The following ZFYVE9 variants were observed in gnomAD, a reference collection of about 807,000 sequenced individuals.
ZFYVE9 encodes the protein zinc finger FYVE domain-containing protein 9.
ZFYVE9 carries 43 observed loss-of-function variants against 126.7 expected under a neutral mutation model. The ratio of observed to expected loss-of-function variants is 0.34; its 90% CI spans 0.27 to 0.44. ZFYVE9 has a LOEUF of 0.44. Among genes scored for constraint, ZFYVE9 ranks in the 20% least tolerant of loss-of-function variants. The pLI is 1.00. For missense variants in ZFYVE9, 1,476 were observed against 1,697.0 expected, an observed-to-expected ratio of 0.87 and a Z score of 2.29; for synonymous variants, 521 against 597.4, an observed-to-expected ratio of 0.87 and a Z score of 1.87.
intron 1 of ZFYVE9, among the ~76,000 whole-genome samples, chr1:52,183,596 G>A (rs755455797): frequency 3.3e-5 from 5 of 151,794 alleles, no homozygotes; most frequent in Admixed American, 2.6e-4. Context: ...TCTGCCTCCC[G>A]GGTTCAAGTA....
intron 1 of ZFYVE9, among the ~76,000 whole-genome samples, chr1:52,176,378 C>T (rs917222472): frequency 3.3e-5 from 5 of 152,266 alleles, no homozygotes; most frequent in Admixed American, 6.5e-5. Flanking sequence ...GAGGAGTACC[C>T]GGCCGTGTGA....
intron 13 of ZFYVE9, among the ~76,000 whole-genome samples, chr1:52,307,974 G>A (rs1646101487): frequency 1.3e-5 from 2 of 151,594 alleles, no homozygotes; most frequent in South Asian, 4.2e-4. Context: ...GGATGGTCTC[G>A]ATCTCCTGAC....
chr1:52,219,051 C>T (rs2124599889), intron 2 of ZFYVE9, among the ~76,000 whole-genome samples: 1 of 152,046 alleles, frequency 6.6e-6, no homozygotes, highest in African/African-American at 2.4e-5. Flanking sequence ...TGAGGAGGTC[C>T]AGCCCTGATA....
chr1:52,168,020 A>G (rs1463498474), intron 1 of ZFYVE9, among the ~76,000 whole-genome samples: 1 of 152,120 alleles, frequency 6.6e-6, no homozygotes, highest in Non-Finnish European at 1.5e-5. Flanking sequence ...GCATTTTGTC[A>G]TTGTGTAGAT....
Position 52,144,784 on chromosome 1 carries a change from A to T in ZFYVE9, c.-143+2381A>T, listed in dbSNP as rs560599027. ...CTCCTGTGATAGCTGTGGTGTGCTA[A>T]AAGAATACCTTGTCATTTACTTTGG... On this transcript the variant is annotated intron_variant, in intron 1 of 18. Coordinates refer to ENST00000287727, the MANE Select transcript of ZFYVE9 (RefSeq NM_004799.4). Among the ~76,000 whole-genome samples the T allele has an allele frequency of 3.3e-5, 5 of 152,320 alleles. No homozygotes were observed. The South Asian group carries it at 1.0e-3, about 32-fold the overall frequency.
Position 52,263,758 on chromosome 1 carries a change from C to CT in ZFYVE9, c.2179-15_2179-14insT, listed in dbSNP as rs1553130203. On this transcript the variant is annotated splice_polypyrimidine_tract_variant and intron_variant, in intron 4 of 18. Coordinates refer to ENST00000287727, the MANE Select transcript of ZFYVE9 (RefSeq NM_004799.4). ...AAGTAAATTTTGTGTGTTCTTCCCC[C>CT]CCCCCCCCCCACAGGTTTTCTGTGC... 4 of 686,106 alleles carry CT rather than the reference C, an allele frequency of 5.8e-6. No individual in the cohort carries two copies. The highest frequency in any genetic ancestry group is 3.4e-5 in the African/African-American group (1 of 29,324). 42.5% of individuals were successfully genotyped at this position (686,106 alleles called of 1,614,324 possible). A position where few individuals can be genotyped will look rare whatever the true frequency, so the allele number is the denominator to read the frequency against.
intron 1 of ZFYVE9, among the ~76,000 whole-genome samples, chr1:52,207,599 G>T (rs1362970045): frequency 1.3e-5 from 2 of 152,150 alleles, no homozygotes; most frequent in Non-Finnish European, 2.9e-5. Flanking sequence ...GCCACTGTAA[G>T]GGTGTTCATA....
Position 52,173,951 on chromosome 1 carries a change from C to T in ZFYVE9, c.-143+31548C>T, listed in dbSNP as rs577289398. Among the ~76,000 whole-genome samples the T allele has an allele frequency of 4.8e-5, 7 of 146,942 alleles. No homozygotes were observed. In the East Asian group the frequency reaches 1.2e-3, roughly 26 times the overall value. ...AGTTTTGTTGATCCTTTCAAAAAAC[C>T]GGCTCCTGGATTCATTAATTTTTTG... On this transcript the variant is annotated intron_variant, in intron 1 of 18. Coordinates refer to ENST00000287727, the MANE Select transcript of ZFYVE9 (RefSeq NM_004799.4).
intron 2 of ZFYVE9, among the ~76,000 whole-genome samples, 158 bp from the exon 3 acceptor site, chr1:52,233,013 T>C (rs943479114): frequency 3.3e-5 from 5 of 152,120 alleles, no homozygotes; most frequent in Non-Finnish European, 5.9e-5. Flanking sequence ...TTAGAATTTA[T>C]TAGCTTAAAG....
At chr1:52,178,782 T>C (rs1644666014) in intron 1 of ZFYVE9, among the ~76,000 whole-genome samples, 1 of 152,032 alleles carries the variant, frequency 6.6e-6, no homozygotes, top group Admixed American at 6.5e-5. Context: ...ACATCTAGAA[T>C]GGATAGGAAG....
chr1:52,201,374 A>ATTT (rs11344134), intron 1 of ZFYVE9, among the ~76,000 whole-genome samples: 6 of 91,266 alleles, frequency 6.6e-5, no homozygotes, highest in Admixed American at 1.4e-4. Context: ...GTTTTTGGTA[A>ATTT]TTTTTTTTTT....
chr1:52,263,434 A>G (rs1297020397), intron 4 of ZFYVE9, among the ~76,000 whole-genome samples: 1 of 152,196 alleles, frequency 6.6e-6, no homozygotes, highest in Non-Finnish European at 1.5e-5. Flanking sequence ...TAGCACATGT[A>G]ACTATCTTTC....
intron 13 of ZFYVE9, among the ~76,000 whole-genome samples, chr1:52,305,263 A>G (rs1646071551): frequency 6.6e-6 from 1 of 152,140 alleles, no homozygotes; most frequent in South Asian, 2.1e-4. Context: ...CAACGTGGTG[A>G]AACCCCGTCT....
intron 7 of ZFYVE9, among the ~76,000 whole-genome samples, chr1:52,268,883 A>G (rs1275257992): frequency 6.6e-6 from 1 of 152,202 alleles, no homozygotes; most frequent in African/African-American, 2.4e-5. Flanking sequence ...CACTTTAGCT[A>G]GCAGTCGGGC....
chr1:52,258,573 A>G (rs1048808819), intron 4 of ZFYVE9, among the ~76,000 whole-genome samples: 1 of 152,190 alleles, frequency 6.6e-6, no homozygotes, highest in Non-Finnish European at 1.5e-5. Flanking sequence ...AGACAATTTC[A>G]TCTTGATCTT....
chr1:52,302,890 A>C (rs1199798693), intron 12 of ZFYVE9, among the ~76,000 whole-genome samples: 2 of 152,078 alleles, frequency 1.3e-5, no homozygotes, highest in African/African-American at 4.8e-5. Context: ...CAGGTGGATC[A>C]CCTGAGGTTG....
intron 1 of ZFYVE9, among the ~76,000 whole-genome samples, chr1:52,143,006 C>G (rs1434494501): frequency 6.6e-6 from 1 of 152,140 alleles, no homozygotes; most frequent in Admixed American, 6.5e-5. Context: ...CTCATTCCTG[C>G]CTCTTTATAT....
chr1:52,324,365 C>T (rs1296094555), intron 13 of ZFYVE9, among the ~76,000 whole-genome samples: 1 of 152,154 alleles, frequency 6.6e-6, no homozygotes, highest in African/African-American at 2.4e-5. Context: ...GGGGTCTAGC[C>T]TCTGGACACT....
chr1:52,172,978 T>C (rs1401113706), intron 1 of ZFYVE9, among the ~76,000 whole-genome samples: 4 of 151,854 alleles, frequency 2.6e-5, no homozygotes, highest in Non-Finnish European at 5.9e-5. Flanking sequence ...CTTTTCCTAA[T>C]TGAATACCCT....
Sources: gnomAD v4.1 joint callset for allele counts (sites outside exome capture counted in the v4.1 genomes callset) on GRCh38, gnomAD v4.1.1 for gene constraint, MANE v1.5 for transcripts, NCBI Gene and HGNC (gene_info 2026-07-23, HGNC 2026-07-21) for gene names.